KCNMA1: variants seen among roughly 807,000 people sequenced by gnomAD.
The protein encoded by KCNMA1 is potassium calcium-activated channel subfamily M alpha 1, also known as Calcium-activated potassium channel subunit alpha-1.
Under a neutral mutation model 140.0 loss-of-function variants are expected in KCNMA1, and 29 were observed. The observed-to-expected ratio is 0.21, with a 90% CI of 0.15 to 0.28. The LOEUF (loss-of-function observed/expected upper bound fraction) is 0.28, where lower values mean the gene tolerates loss of function less well. KCNMA1 is among the 10% of genes least tolerant of loss of function. The pLI, the probability that KCNMA1 is intolerant of heterozygous loss-of-function variation, is 1.00. For missense variants in KCNMA1, 880 were observed against 1,602.2 expected (o/e 0.55, Z 7.70); for synonymous variants, 612 against 611.9 (o/e 1.00, Z 0.00).
chr10:77,214,577 T>C (rs1392876266), intron 3 of KCNMA1, among the ~76,000 whole-genome samples: 1 of 152,214 alleles, frequency 6.6e-6, no homozygotes, highest in Non-Finnish European at 1.5e-5. Context: ...GCCAACCACA[T>C]TTCCAGAGAC....
rs890460505 is a variant in KCNMA1, at chr10:76,885,769, G to A, written c.*1497C>T. The stretch of plus-strand genomic sequence containing the variant: ...CTAAAGCATGATTTGCATGCACAAA[G>A]CATCTGACAACTATATGTTGAAAAA... On this transcript the variant is annotated 3_prime_UTR_variant, in exon 28 of 28. Coordinates refer to ENST00000286628, the MANE Select transcript of KCNMA1 (RefSeq NM_001161352.2). 13 of 984,992 alleles carry A rather than the reference G, an allele frequency of 1.3e-5. No individual in the cohort carries two copies. In the African/African-American group the frequency reaches 2.3e-4, roughly 17 times the overall value. 61.0% of individuals were successfully genotyped at this position (984,992 alleles called of 1,614,324 possible). A position where few individuals can be genotyped will look rare whatever the true frequency, so the allele number is the denominator to read the frequency against.
chr10:76,967,508 G>A (rs1284285609), intron 20 of KCNMA1, among the ~76,000 whole-genome samples: 1 of 152,148 alleles, frequency 6.6e-6, no homozygotes. Context: ...AAAGGGCCCT[G>A]AGGTCTTTCT....
At chr10:77,571,044 G>A (rs1042702909) in intron 1 of KCNMA1, among the ~76,000 whole-genome samples, 3 of 152,082 alleles carry the variant, frequency 2.0e-5, no homozygotes, top group African/African-American at 4.8e-5. Context: ...TTCAGTTTCA[G>A]TTATTCTATT....
intron 2 of KCNMA1, among the ~76,000 whole-genome samples, chr10:77,252,561 G>T (rs2059872106): frequency 6.6e-6 from 1 of 151,584 alleles, no homozygotes; most frequent in African/African-American, 2.4e-5. Flanking sequence ...GTGTGTGCGG[G>T]CACGTGTGCC....
chr10:77,269,037 A>T (rs2064237609), intron 2 of KCNMA1, among the ~76,000 whole-genome samples: 1 of 152,156 alleles, frequency 6.6e-6, no homozygotes, highest in Non-Finnish European at 1.5e-5. Flanking sequence ...CCACTGCACA[A>T]GGGCAGAGTC....
At position 77,015,277 on chromosome 10, in the gene KCNMA1, C is replaced by A. The variant is rs1198638532; in HGVS notation, c.2016-3234G>T. The stretch of plus-strand genomic sequence containing the variant: ...GGTCACCACCTTGACCCCCCGGGTG[C>A]CCTCCTGTACAGGTCTATGAAATGG... On this transcript the variant is annotated intron_variant, in intron 17 of 27. Transcript: ENST00000286628. 2.0e-5 allele frequency among the ~76,000 whole-genome samples: 3 copies of A among 152,152 alleles called. No homozygotes were observed. The East Asian group carries it at 5.8e-4, about 30-fold the overall frequency.
chr10:77,021,317 G>T (rs889874541), intron 16 of KCNMA1, among the ~76,000 whole-genome samples: 1 of 152,094 alleles, frequency 6.6e-6, no homozygotes, highest in Non-Finnish European at 1.5e-5. Flanking sequence ...GTGAATAATC[G>T]CTAGCTTACA....
At chr10:77,182,350 A>C (rs2098809781) in intron 5 of KCNMA1, among the ~76,000 whole-genome samples, 1 of 152,212 alleles carries the variant, frequency 6.6e-6, no homozygotes, top group African/African-American at 2.4e-5. Context: ...CTCTTACAAA[A>C]TGAGTTATCA....
In KCNMA1 at chr10:77,476,448, T is replaced by C. The variant is rs148687622; in HGVS notation, c.379-72425A>G. On this transcript the variant is annotated intron_variant, in intron 1 of 27. Coordinates refer to ENST00000286628, the MANE Select transcript of KCNMA1 (RefSeq NM_001161352.2). ...CCTTTGCAAGCCCAGCATTGGTGCT[T>C]CCCGCTCCCTAAGCCCTCTTCCCTC... 5.0e-3 allele frequency among the ~76,000 whole-genome samples: 761 copies of C among 152,126 alleles called. 5 individuals carry two copies. Among genetic ancestry groups the C allele is most frequent in the African/African-American group, 0.018 (727 of 41,498 alleles).
At position 77,000,860 on chromosome 10, in the gene KCNMA1, ATATATATATAT is replaced by A. The variant is rs2086088271; in HGVS notation, c.2266+536_2266+546del. Among the ~76,000 whole-genome samples the A allele has an allele frequency of 4.6e-4, 34 of 74,318 alleles. 4 individuals carry two copies. Among genetic ancestry groups the A allele is most frequent in the African/African-American group, 1.4e-3 (21 of 14,884 alleles). 48.8% of individuals were successfully genotyped at this position (74,318 alleles called of 152,430 possible). A position where few individuals can be genotyped will look rare whatever the true frequency, so the allele number is the denominator to read the frequency against. On this transcript the variant is annotated intron_variant, in intron 19 of 27. Transcript: ENST00000286628. ...TAGAGAGACATAGTAAAAAGAAAAT[ATATATATATAT>A]ATATATATATATATATATATATATA...
chr10:77,595,902 G>A (rs1019002652), intron 1 of KCNMA1, among the ~76,000 whole-genome samples: 5 of 152,054 alleles, frequency 3.3e-5, no homozygotes, highest in Non-Finnish European at 5.9e-5. Context: ...CATCCGCCTC[G>A]ACCTCCCAAA....
chr10:76,872,942 A>G (rs2031646524), downstream of KCNMA1: 1 of 151,658 alleles, frequency 6.6e-6, no homozygotes, highest in Admixed American at 6.6e-5. Flanking sequence ...GCTTATCTTT[A>G]GATAGGGAGT....
intron 2 of KCNMA1, chr10:77,350,233 A>G (rs1043058144): frequency 6.6e-6 from 1 of 152,238 alleles, no homozygotes; most frequent in African/African-American, 2.4e-5. Flanking sequence ...ATACTGATGC[A>G]TAGGGCACAC....
chr10:77,461,985 T>A (rs1046316633), intron 1 of KCNMA1, among the ~76,000 whole-genome samples: 2 of 151,820 alleles, frequency 1.3e-5, no homozygotes, highest in African/African-American at 2.4e-5. Context: ...AGTACCATGC[T>A]CACAGACACA....
intron 3 of KCNMA1, among the ~76,000 whole-genome samples, chr10:77,231,166 AT>A (rs1167470296): frequency 6.6e-6 from 1 of 152,136 alleles, no homozygotes; most frequent in Non-Finnish European, 1.5e-5. Context: ...CTCCTTTATC[AT>A]TTGTACATGT....
chr10:77,167,701 T>A (rs562111782), intron 5 of KCNMA1, among the ~76,000 whole-genome samples: 3 of 151,882 alleles, frequency 2.0e-5, no homozygotes, highest in East Asian at 1.9e-4. Context: ...TTTTTTTTTT[T>A]AATTTTGAGA....
chr10:77,353,146 T>C (rs2093091961), intron 2 of KCNMA1, among the ~76,000 whole-genome samples: 1 of 152,160 alleles, frequency 6.6e-6, no homozygotes, highest in African/African-American at 2.4e-5. Context: ...GACAAATGGC[T>C]GGGAGGCCTT....
intron 2 of KCNMA1, among the ~76,000 whole-genome samples, chr10:77,397,156 C>A (rs1471329596): frequency 6.6e-6 from 1 of 151,972 alleles, no homozygotes; most frequent in Non-Finnish European, 1.5e-5. Flanking sequence ...CTGTATTTAT[C>A]TTTGTGTGTG....
rs541795348 is a variant in KCNMA1, at chr10:77,518,122, A to G, written c.379-114099T>C. Among the ~76,000 whole-genome samples, 69 of 152,224 alleles carry G rather than the reference A, an allele frequency of 4.5e-4. No homozygotes were observed. The South Asian group carries it at 0.013, about 29-fold the overall frequency. On this transcript the variant is annotated intron_variant, in intron 1 of 27. Transcript: ENST00000286628. ...TTTCCAGGCAAGTTGATCTTGTTCC[A>G]CTCATTGGCCACTTCCTTAGAAAGA...
Sources: gnomAD v4.1 joint callset for allele counts (sites outside exome capture counted in the v4.1 genomes callset) on GRCh38, gnomAD v4.1.1 for gene constraint, MANE v1.5 for transcripts, NCBI Gene and HGNC (gene_info 2026-07-23, HGNC 2026-07-21) for gene names.